The following CTNNA3 variants were observed in gnomAD, a reference collection of about 807,000 sequenced individuals.
CTNNA3 encodes the protein catenin alpha 3.
CTNNA3 carries 76 observed loss-of-function variants against 95.7 expected under a neutral mutation model. That is an observed-to-expected ratio of 0.79 (90% CI 0.66 to 0.96). CTNNA3 has a LOEUF of 0.96. Ranked by LOEUF, CTNNA3 falls within the 40% of genes least tolerant of loss-of-function variation. The pLI is 0.00. For synonymous variants in CTNNA3, 431 were observed against 374.4 expected, an observed-to-expected ratio of 1.15 and a Z score of -1.74; for missense variants, 1,191 against 1,089.8, an observed-to-expected ratio of 1.09 and a Z score of -1.31.
At chr10:66,734,151 TAA>T (rs11299669) in intron 9 of CTNNA3, among the ~76,000 whole-genome samples, 15 of 151,250 alleles carry the variant, frequency 9.9e-5, no homozygotes, top group Admixed American at 8.6e-4. Context: ...CATCATTCCT[TAA>T]AAAAAAATAT....
chr10:67,455,868 G>A (rs1847153804), intron 5 of CTNNA3, among the ~76,000 whole-genome samples: 1 of 152,070 alleles, frequency 6.6e-6, no homozygotes, highest in African/African-American at 2.4e-5. Flanking sequence ...AGACATTAAA[G>A]GAAAAATTAG....
rs537923585 is a variant in CTNNA3 at position 66,048,725 on chromosome 10, C to A, written c.2159+20583G>T. Among the ~76,000 whole-genome samples the A allele has an allele frequency of 3.3e-4, 51 of 152,240 alleles. 1 individual carries two copies. Among genetic ancestry groups the A allele is most frequent in the East Asian group, 1.9e-3 (10 of 5,178 alleles). ...GCAGTGAGCCAAGATCGTGCCACTGCACTCCAGTCTGGGCGGCAGAGCGAG... is the reference window on the plus strand; with the variant it reads ...GCAGTGAGCCAAGATCGTGCCACTGAACTCCAGTCTGGGCGGCAGAGCGAG... On this transcript the variant is annotated intron_variant, in intron 15 of 17. Coordinates refer to ENST00000433211, the MANE Select transcript of CTNNA3 (RefSeq NM_013266.4).
chr10:66,073,661 T>C (rs532615941), intron 14 of CTNNA3, among the ~76,000 whole-genome samples: 1 of 152,224 alleles, frequency 6.6e-6, no homozygotes, highest in East Asian at 1.9e-4. Context: ...TCCCTCTATA[T>C]ATTAATATTA....
chr10:66,756,233 A>G (rs1385588797), intron 9 of CTNNA3, among the ~76,000 whole-genome samples: 1 of 152,168 alleles, frequency 6.6e-6, no homozygotes, highest in African/African-American at 2.4e-5. Flanking sequence ...AAGAGAGATC[A>G]TTTGCAGTAC....
At chr10:67,367,720 T>TA (rs1843268191) in intron 5 of CTNNA3, among the ~76,000 whole-genome samples, 1 of 152,120 alleles carries the variant, frequency 6.6e-6, no homozygotes, top group Non-Finnish European at 1.5e-5. Flanking sequence ...AGTATGCCCA[T>TA]AAAAAATAAC....
rs114935821 is a variant in CTNNA3, at chr10:66,453,334, C to G, written c.1531+67283G>C. 3.4e-3 allele frequency among the ~76,000 whole-genome samples: 524 copies of G among 152,242 alleles called. 1 individual carries two copies. The highest frequency in any genetic ancestry group is 0.012 in the African/African-American group (501 of 41,542). ...TTTATTAAACTCTCTATTGCAATAA[C>G]ACTGTCTCAGTAGAGCAGCTTTTCT... On this transcript the variant is annotated intron_variant, in intron 11 of 17. Coordinates refer to ENST00000433211, the MANE Select transcript of CTNNA3 (RefSeq NM_013266.4).
chr10:66,619,363 A>C (rs1247086416), intron 10 of CTNNA3, among the ~76,000 whole-genome samples: 1 of 146,858 alleles, frequency 6.8e-6, no homozygotes, highest in Non-Finnish European at 1.5e-5. Context: ...CATATACACC[A>C]TGGAATACTA....
At chr10:66,943,149 G>A (rs1848100168) in intron 7 of CTNNA3, among the ~76,000 whole-genome samples, 1 of 152,178 alleles carries the variant, frequency 6.6e-6, no homozygotes, top group South Asian at 2.1e-4. Flanking sequence ...CTTCACTGGA[G>A]ACATGAAAAT....
chr10:67,101,922 A>G (rs1366309847), intron 7 of CTNNA3, among the ~76,000 whole-genome samples: 1 of 150,544 alleles, frequency 6.6e-6, no homozygotes, highest in African/African-American at 2.5e-5. Flanking sequence ...ACTGTATAAA[A>G]GAAATGCAGA....
intron 5 of CTNNA3, among the ~76,000 whole-genome samples, chr10:67,231,033 G>A (rs542439585): frequency 3.9e-5 from 6 of 152,192 alleles, no homozygotes; most frequent in Middle Eastern, 3.2e-3. Context: ...TACGCCCACC[G>A]AGTCTCGCTG....
At chr10:66,667,184 G>A (rs1453541630) in intron 9 of CTNNA3, among the ~76,000 whole-genome samples, 1 of 89,726 alleles carries the variant, frequency 1.1e-5, no homozygotes, top group African/African-American at 5.4e-5. Context: ...TTTTTGAAGA[G>A]TAGTAATTTT....
chr10:67,495,721 A>G (rs914800648), intron 5 of CTNNA3, among the ~76,000 whole-genome samples: 2 of 152,140 alleles, frequency 1.3e-5, no homozygotes, highest in African/African-American at 4.8e-5. Context: ...AGAATTTGCC[A>G]TTTTTTATTA....
intron 3 of CTNNA3, among the ~76,000 whole-genome samples, chr10:67,579,032 TACAC>T (rs71468816): frequency 1.1e-5 from 1 of 95,158 alleles, no homozygotes; most frequent in Non-Finnish European, 2.0e-5. Flanking sequence ...TATATATATA[TACAC>T]ACACACACAT....
At chr10:66,089,165 A>G (rs2081113913) in intron 14 of CTNNA3, among the ~76,000 whole-genome samples, 1 of 151,906 alleles carries the variant, frequency 6.6e-6, no homozygotes, top group South Asian at 2.1e-4. Flanking sequence ...TAAAGTCACA[A>G]AAATAAATAT....
intron 6 of CTNNA3, among the ~76,000 whole-genome samples, chr10:67,198,714 T>C (rs1863493819): frequency 6.6e-6 from 1 of 152,220 alleles, no homozygotes; most frequent in Admixed American, 6.5e-5. Context: ...CTTAATATCC[T>C]TTCCAAATTG....
intron 5 of CTNNA3, among the ~76,000 whole-genome samples, chr10:67,473,565 T>A (rs1375562904): frequency 6.6e-6 from 1 of 152,220 alleles, no homozygotes; most frequent in Non-Finnish European, 1.5e-5. Context: ...GACTAGAGTC[T>A]AAGTATACCT....
chr10:67,744,964 A>G (rs1193767958), intron 1 of CTNNA3, among the ~76,000 whole-genome samples: 1 of 152,098 alleles, frequency 6.6e-6, no homozygotes, highest in Non-Finnish European at 1.5e-5. Context: ...ATGAGATACC[A>G]TCTCACACCA....
chr10:67,758,323 T>TATATATACAC (rs71468879), intron 1 of CTNNA3, among the ~76,000 whole-genome samples: 10 of 143,318 alleles, frequency 7.0e-5, no homozygotes, highest in Non-Finnish European at 1.1e-4. Flanking sequence ...TAAATATATA[T>TATATATACAC]ACACACACAC....
At chr10:67,502,719 G>A (rs912038062) in intron 5 of CTNNA3, among the ~76,000 whole-genome samples, 1 of 152,210 alleles carries the variant, frequency 6.6e-6, no homozygotes, top group Non-Finnish European at 1.5e-5. Flanking sequence ...TTGCTGAGCT[G>A]TGGTGGGCTC....
Sources: allele counts gnomAD v4.1 joint callset (sites outside exome capture counted in the v4.1 genomes callset), GRCh38; gene constraint gnomAD v4.1.1; transcripts MANE v1.5; gene names NCBI Gene and HGNC (gene_info 2026-07-23, HGNC 2026-07-21).